The following MAGI2 variants were observed in gnomAD, a reference collection of about 807,000 sequenced individuals.
The protein encoded by MAGI2 is membrane associated guanylate kinase, WW and PDZ domain containing 2, also known as membrane-associated guanylate kinase, WW and PDZ domain-containing protein 2.
A neutral mutation model predicts 133.3 loss-of-function variants in MAGI2; 35 were observed. That is an observed-to-expected ratio of 0.26 (90% CI 0.20 to 0.35). MAGI2 has a LOEUF of 0.35. Among genes scored for constraint, MAGI2 ranks in the 10% least tolerant of loss-of-function variants. The probability of loss-of-function intolerance (pLI) is 1.00; values close to 1 mark genes in which losing one functional copy is unlikely to be tolerated. For missense variants in MAGI2, 1,636 were observed against 1,863.4 expected, an observed-to-expected ratio of 0.88 and a Z score of 2.25; for synonymous variants, 729 against 710.6, an observed-to-expected ratio of 1.03 and a Z score of -0.41.
At chr7:78,699,805 A>G (rs1202027466) in intron 2 of MAGI2, among the ~76,000 whole-genome samples, 6 of 152,042 alleles carry the variant, frequency 3.9e-5, no homozygotes, top group African/African-American at 1.4e-4. Context: ...AAGTCAAAAG[A>G]CCCTCCAACC....
At chr7:79,277,400 T>C (rs534478054) in intron 1 of MAGI2, among the ~76,000 whole-genome samples, 1 of 152,168 alleles carries the variant, frequency 6.6e-6, no homozygotes, top group African/African-American at 2.4e-5. Context: ...ACATAACTTT[T>C]ATATACACCG....
Position 79,272,705 on chromosome 7 carries a change from A to C in MAGI2, c.301+180315T>G, listed in dbSNP as rs931453410. 7.6e-5 allele frequency among the ~76,000 whole-genome samples: 5 copies of C among 65,368 alleles called. No homozygotes were observed. The Admixed American group carries it at 1.0e-3, about 14-fold the overall frequency. 42.9% of individuals were successfully genotyped at this position (65,368 alleles called of 152,430 possible). A position where few individuals can be genotyped will look rare whatever the true frequency, so the allele number is the denominator to read the frequency against. ...TTTATGGTTATGAATATTTTTTAGG[A>C]TTTCTATAAGTTTAAATATAGTATT... On this transcript the variant is annotated intron_variant, in intron 1 of 21. Coordinates refer to ENST00000354212, the MANE Select transcript of MAGI2 (RefSeq NM_012301.4).
rs4363137 is a variant in MAGI2, at chr7:78,330,370, C to T, written c.1408+13408G>A. Among the ~76,000 whole-genome samples the T allele has an allele frequency of 1.9e-5, 2 of 103,714 alleles. 1 individual carries two copies. Among genetic ancestry groups the T allele is most frequent in the East Asian group, 4.5e-4 (2 of 4,478 alleles). The allele number at this position is 103,714 out of a possible 152,430, so 68.0% of individuals were successfully genotyped here. On this transcript the variant is annotated intron_variant, in intron 9 of 21. Coordinates refer to ENST00000354212, the MANE Select transcript of MAGI2 (RefSeq NM_012301.4). Reference sequence around the variant, plus strand: ...CGGTGGCTCACGCCTGTAATCCCAGCACTTTGGGAGGCCGAGGCGGGCGGA... The same window carrying T: ...CGGTGGCTCACGCCTGTAATCCCAGTACTTTGGGAGGCCGAGGCGGGCGGA...
chr7:78,371,312 C>T (rs1179685887), intron 6 of MAGI2, among the ~76,000 whole-genome samples: 1 of 151,642 alleles, frequency 6.6e-6, no homozygotes, highest in Non-Finnish European at 1.5e-5. Context: ...CAGAGGACAG[C>T]AATTAATATT....
At position 78,030,482 on chromosome 7, in the gene MAGI2, CTT is replaced by C. The variant is rs1211564099; in HGVS notation, c.3707-10508_3707-10507del. 7.9e-5 allele frequency among the ~76,000 whole-genome samples: 12 copies of C among 152,288 alleles called. No homozygotes were observed. In the East Asian group the frequency reaches 2.3e-3, roughly 29 times the overall value. ...ATGTTGGCCAGGATGGTCTTGATCTCTTGACCTTATGATCCACCCACCTTGGC... is the reference window on the plus strand; with the variant it reads ...ATGTTGGCCAGGATGGTCTTGATCTCGACCTTATGATCCACCCACCTTGGC... On this transcript the variant is annotated intron_variant, in intron 21 of 21. Coordinates refer to ENST00000354212, the MANE Select transcript of MAGI2 (RefSeq NM_012301.4).
intron 1 of MAGI2, among the ~76,000 whole-genome samples, chr7:79,045,896 T>C (rs1412351127): frequency 6.6e-6 from 1 of 152,142 alleles, no homozygotes; most frequent in East Asian, 1.9e-4. Flanking sequence ...GATTACGGTG[T>C]TTACATGAAT....
chr7:78,986,882 T>G (rs1371082599), intron 2 of MAGI2, among the ~76,000 whole-genome samples: 2 of 151,988 alleles, frequency 1.3e-5, no homozygotes, highest in Admixed American at 6.6e-5. Flanking sequence ...CTTATACCAT[T>G]TTCTGCTTCC....
At chr7:78,264,866 A>T (rs964977303) in intron 9 of MAGI2, among the ~76,000 whole-genome samples, 1 of 152,198 alleles carries the variant, frequency 6.6e-6, no homozygotes, top group Non-Finnish European at 1.5e-5. Context: ...TCAGTGGTGC[A>T]GTTAAACAGG....
At position 78,019,729 on chromosome 7, in the gene MAGI2, C is replaced by T. The variant is rs779948561; in HGVS notation, c.3954G>A (p.Ala1318=). The T allele has an allele frequency of 3.7e-6, 6 of 1,607,402 alleles. No individual in the cohort carries two copies. The highest frequency in any genetic ancestry group is 1.7e-4 in the Middle Eastern group (1 of 5,982). The change falls in exon 22 of 22, where the codon GCG becomes GCA. Residue 1318 remains alanine, a synonymous_variant. Coordinates refer to ENST00000354212, the MANE Select transcript of MAGI2 (RefSeq NM_012301.4). ...TCGGCCGCGCGGCCCTCTGCGGACT[C>T]GCCGAGCGCTCCCTCTGCTCCCCGA... ...QRLGEQRERS[A]SPQRAARPRL...
At chr7:78,655,651 G>T (rs1203148068) in intron 2 of MAGI2, among the ~76,000 whole-genome samples, 2 of 152,004 alleles carry the variant, frequency 1.3e-5, no homozygotes, top group Non-Finnish European at 2.9e-5. Flanking sequence ...AATAATAAAA[G>T]GAGCATCACA....
At chr7:79,135,973 A>AGAGAG (rs1821379194) in intron 1 of MAGI2, among the ~76,000 whole-genome samples, 1 of 33,084 alleles carries the variant, frequency 3.0e-5, no homozygotes, top group African/African-American at 5.3e-5. Flanking sequence ...GAAAGAAAGA[A>AGAGAG]AGAAAGAAAG....
chr7:78,219,536 A>G (rs1330690389), intron 10 of MAGI2, among the ~76,000 whole-genome samples: 1 of 151,780 alleles, frequency 6.6e-6, no homozygotes, highest in Non-Finnish European at 1.5e-5. Context: ...AAAACATCTA[A>G]TCTCCTTCTA....
chr7:79,188,314 C>G (rs1228030678), intron 1 of MAGI2, among the ~76,000 whole-genome samples: 1 of 151,674 alleles, frequency 6.6e-6, no homozygotes. Flanking sequence ...TGTTGTTGCT[C>G]TTTACCCTGT....
chr7:78,377,921 C>T (rs535859362), intron 6 of MAGI2, among the ~76,000 whole-genome samples: 10 of 150,842 alleles, frequency 6.6e-5, no homozygotes, highest in South Asian at 2.1e-4. Context: ...GAAAATTTCT[C>T]TCAAGAGAAA....
At chr7:79,236,022 G>T (rs183106505) in intron 1 of MAGI2, among the ~76,000 whole-genome samples, 4 of 152,262 alleles carry the variant, frequency 2.6e-5, no homozygotes, top group African/African-American at 9.6e-5. Context: ...AAGGCTCTAG[G>T]TTTGCTGGCA....
chr7:78,111,647 G>A (rs1819374356), intron 20 of MAGI2, among the ~76,000 whole-genome samples: 1 of 152,228 alleles, frequency 6.6e-6, no homozygotes, highest in African/African-American at 2.4e-5. Flanking sequence ...AGTGCTCATA[G>A]GTCAGACTCT....
chr7:79,213,214 G>GTA (rs141642663), intron 1 of MAGI2, among the ~76,000 whole-genome samples: 13 of 150,538 alleles, frequency 8.6e-5, no homozygotes, highest in African/African-American at 1.5e-4. Flanking sequence ...GTATTTTTCT[G>GTA]TATATATATA....
intron 3 of MAGI2, among the ~76,000 whole-genome samples, chr7:78,540,894 G>A (rs1049767777): frequency 6.6e-6 from 1 of 152,212 alleles, no homozygotes; most frequent in Non-Finnish European, 1.5e-5. Flanking sequence ...CGAGATGTGT[G>A]TTTGGAGGCA....
intron 2 of MAGI2, among the ~76,000 whole-genome samples, chr7:78,955,728 T>TCTTTCTTTCTTC (rs1416789088): frequency 0.034 from 976 of 28,420 alleles, 27 homozygotes; most frequent in African/African-American, 0.09. Context: ...TCTTTCTCTT[T>TCTTTCTTTCTTC]CTTTCTTTCT....
Sources: allele counts gnomAD v4.1 joint callset (sites outside exome capture counted in the v4.1 genomes callset), GRCh38; gene constraint gnomAD v4.1.1; transcripts MANE v1.5; gene names NCBI Gene and HGNC (gene_info 2026-07-23, HGNC 2026-07-21).